Variants in STK32C observed in about 807,000 individuals in gnomAD.
STK32C encodes serine/threonine-protein kinase 32C.
Under a neutral mutation model 56.5 loss-of-function variants are expected in STK32C, and 31 were observed. The ratio of observed to expected loss-of-function variants is 0.55; its 90% CI spans 0.41 to 0.74. STK32C has a LOEUF of 0.74. Among genes scored for constraint, STK32C ranks in the 30% least tolerant of loss-of-function variants. STK32C has a pLI of 0.00. For missense variants in STK32C, 544 were observed against 676.9 expected (o/e 0.80, Z 2.18); for synonymous variants, 309 against 289.4 (o/e 1.07, Z -0.69).
Position 132,208,065 on chromosome 10 carries a change from T to C in STK32C, c.1406A>G (p.Glu469Gly), listed in dbSNP as rs780056636. The change falls in exon 12 of 12, where the codon GAA becomes GGA. Residue 469 changes from glutamate to glycine, a missense_variant. By Grantham distance (98) the Glu-to-Gly change is moderately conservative. Transcript: ENST00000298630. ...DAAEPVEDEAERSALPMCGPI... is the reference protein window; with the variant it reads ...DAAEPVEDEAGRSALPMCGPI... ...GCCGCACATGGGCAGGGCGGAGCGT[T>C]CCGCCTCGTCCTCCACAGGCTCCGC... 1.5e-6 allele frequency: 2 copies of C among 1,310,490 alleles called. No homozygotes were observed. Among genetic ancestry groups the C allele is most frequent in the Non-Finnish European group, 2.0e-6 (2 of 1,021,530 alleles). 81.2% of individuals were successfully genotyped at this position (1,310,490 alleles called of 1,614,324 possible).
At chr10:132,314,012 G>T (rs1276345045) in intron 1 of STK32C, among the ~76,000 whole-genome samples, 1 of 152,132 alleles carries the variant, frequency 6.6e-6, no homozygotes, top group Non-Finnish European at 1.5e-5. Context: ...CCATGTGAAG[G>T]CATCCTACCT....
chr10:132,208,731 G>A (rs2062187614), intron 11 of STK32C, among the ~76,000 whole-genome samples: 1 of 152,014 alleles, frequency 6.6e-6, no homozygotes, highest in Admixed American at 6.5e-5. Flanking sequence ...GGCGTGCCTG[G>A]GTGGGGGAGT....
At chr10:132,289,629 CCGGAAGA>C (rs1180882890) in intron 1 of STK32C, among the ~76,000 whole-genome samples, 1 of 152,178 alleles carries the variant, frequency 6.6e-6, no homozygotes, top group Non-Finnish European at 1.5e-5. Flanking sequence ...GATCAAAGCA[CCGGAAGA>C]CTCAGTGTCT....
chr10:132,234,742 C>T (rs2063216337), intron 2 of STK32C, among the ~76,000 whole-genome samples: 1 of 152,226 alleles, frequency 6.6e-6, no homozygotes, highest in Non-Finnish European at 1.5e-5. Flanking sequence ...GAGCCTGTGG[C>T]TCTCATGAGC....
Position 132,284,743 on chromosome 10 carries a change from C to A in STK32C, c.262+22829G>T, listed in dbSNP as rs922891325. Among the ~76,000 whole-genome samples, 19 of 150,358 alleles carry A rather than the reference C, an allele frequency of 1.3e-4. 1 individual carries two copies. Among genetic ancestry groups the A allele is most frequent in the Middle Eastern group, 7.2e-3 (2 of 276 alleles). ...ACACATTCTCACACGTGCCCAAAGACCAGGCATGAACCCAGAACACATTCC... is the reference window on the plus strand; with the variant it reads ...ACACATTCTCACACGTGCCCAAAGAACAGGCATGAACCCAGAACACATTCC... On this transcript the variant is annotated intron_variant, in intron 1 of 11. Transcript: ENST00000298630.
chr10:132,275,943 C>T lies in STK32C; in HGVS notation c.263-29988G>A, dbSNP rs970484208. Among the ~76,000 whole-genome samples, 8 of 152,152 alleles carry T rather than the reference C, an allele frequency of 5.3e-5. No individual in the cohort carries two copies. The East Asian group carries it at 1.5e-3, about 29-fold the overall frequency. ...CTCTGCCTAGGAAACCTCAGCCCCC[C>T]ACCCCGCAAGTGGTGGCTGCCTTCC... On this transcript the variant is annotated intron_variant, in intron 1 of 11. Coordinates refer to ENST00000298630, the MANE Select transcript of STK32C (RefSeq NM_173575.4).
intron 10 of STK32C, among the ~76,000 whole-genome samples, chr10:132,214,715 A>G (rs61048497): frequency 6.6e-6 from 1 of 152,194 alleles, no homozygotes; most frequent in Non-Finnish European, 1.5e-5. Flanking sequence ...AATGAATGAC[A>G]GCAATGTCAT....
At chr10:132,298,371 GC>G (rs1384869244) in intron 1 of STK32C, among the ~76,000 whole-genome samples, 1 of 152,270 alleles carries the variant, frequency 6.6e-6, no homozygotes, top group Non-Finnish European at 1.5e-5. Context: ...AATTCCTCCT[GC>G]CCCAATGTGG....
rs2066113053 is a variant in STK32C at position 132,307,463 on chromosome 10, G to A, written c.262+109C>T. 1.6e-6 allele frequency: 2 copies of A among 1,244,610 alleles called. No individual in the cohort carries two copies. Among genetic ancestry groups the A allele is most frequent in the Admixed American group, 4.1e-5 (1 of 24,470 alleles). 77.1% of individuals were successfully genotyped at this position (1,244,610 alleles called of 1,614,324 possible). ...GCTTCTCCGGAAGCCGGGGCGCCCC[G>A]GGAAGCCGTCCCGGACACCGGGGGA... is the stretch of plus-strand genomic sequence containing the variant. On this transcript the variant is annotated intron_variant, in intron 1 of 11. Coordinates refer to ENST00000298630, the MANE Select transcript of STK32C (RefSeq NM_173575.4). The surrounding 1 kb of genome is among the most constrained non-coding windows in gnomAD (Gnocchi z 4.4).
chr10:132,296,661 AT>A (rs373985102), intron 1 of STK32C, among the ~76,000 whole-genome samples: 6 of 152,240 alleles, frequency 3.9e-5, no homozygotes, highest in African/African-American at 1.4e-4. Context: ...TCATTATATA[AT>A]AAAAAGCTAT....
At chr10:132,315,442 A>G (rs2138440427) in intron 1 of STK32C, among the ~76,000 whole-genome samples, 1 of 152,358 alleles carries the variant, frequency 6.6e-6, no homozygotes, top group East Asian at 1.9e-4. Flanking sequence ...TATGTAACAA[A>G]CCTGCACATT....
chr10:132,247,878 G>A (rs1349367172), intron 1 of STK32C, among the ~76,000 whole-genome samples: 1 of 152,114 alleles, frequency 6.6e-6, no homozygotes, highest in Non-Finnish European at 1.5e-5. Flanking sequence ...GACGGAGGGG[G>A]TGGGGCTTCA....
At chr10:132,224,114 G>C (rs1466697703) in intron 8 of STK32C, among the ~76,000 whole-genome samples, 3 of 152,144 alleles carry the variant, frequency 2.0e-5, no homozygotes, top group African/African-American at 7.2e-5. Flanking sequence ...TGACCGGCAG[G>C]GCGGGCGCAC....
downstream of STK32C, among the ~76,000 whole-genome samples, chr10:132,320,596 G>A (rs547419714): frequency 2.6e-5 from 4 of 152,306 alleles, no homozygotes; most frequent in African/African-American, 9.6e-5. Context: ...CCTTTGGGCA[G>A]CTTAAGTTTT....
chr10:132,211,916 A>T (rs2062315379), intron 10 of STK32C, among the ~76,000 whole-genome samples: 1 of 151,968 alleles, frequency 6.6e-6, no homozygotes, highest in African/African-American at 2.4e-5. Context: ...TCTCTCCTGG[A>T]TGCACTTTCT....
chr10:132,328,957 C>A (rs2066567546), intron 1 of STK32C, among the ~76,000 whole-genome samples: 1 of 152,204 alleles, frequency 6.6e-6, no homozygotes, highest in African/African-American at 2.4e-5. Context: ...ACAGTGAATA[C>A]TCAGGGAAAC....
At chr10:132,296,543 A>G (rs1319018823) in intron 1 of STK32C, among the ~76,000 whole-genome samples, 5 of 152,214 alleles carry the variant, frequency 3.3e-5, no homozygotes, top group Non-Finnish European at 5.9e-5. Context: ...TAGATTTTGC[A>G]TGTTTTCCAG....
At chr10:132,319,638 G>A (rs1018559517), downstream of STK32C, among the ~76,000 whole-genome samples, 1 of 152,236 alleles carries the variant, frequency 6.6e-6, no homozygotes, top group Non-Finnish European at 1.5e-5. Flanking sequence ...CAAATGTGTA[G>A]AGTCAGTGCT....
At chr10:132,228,916 G>A (rs569275815) in intron 2 of STK32C, among the ~76,000 whole-genome samples, 15 of 152,348 alleles carry the variant, frequency 9.8e-5, no homozygotes, top group African/African-American at 1.9e-4. Flanking sequence ...GACCCCCTCC[G>A]GGGCGCCAGT....
Sources: allele counts gnomAD v4.1 joint callset (sites outside exome capture counted in the v4.1 genomes callset), GRCh38; gene constraint gnomAD v4.1.1; non-coding constraint Gnocchi (gnomAD v3.1); transcripts MANE v1.5; gene names NCBI Gene and HGNC (gene_info 2026-07-23, HGNC 2026-07-21).